The following PPP2R5C variants were observed in gnomAD, a reference collection of about 807,000 sequenced individuals.
PPP2R5C encodes the protein serine/threonine-protein phosphatase 2A 56 kDa regulatory subunit gamma isoform.
PPP2R5C carries 7 observed loss-of-function variants against 68.9 expected under a neutral mutation model. That is an observed-to-expected ratio of 0.10 (90% CI 0.06 to 0.19). The LOEUF (loss-of-function observed/expected upper bound fraction) is 0.19. Among genes scored for constraint, PPP2R5C ranks in the 10% least tolerant of loss-of-function variants. PPP2R5C has a pLI of 1.00. For missense variants in PPP2R5C, 348 were observed against 641.3 expected (o/e 0.54, Z 4.94); for synonymous variants, 210 against 222.2 (o/e 0.95, Z 0.49).
intron 1 of PPP2R5C, among the ~76,000 whole-genome samples, chr14:101,833,193 T>G (rs1182244735): frequency 6.6e-6 from 1 of 152,252 alleles, no homozygotes; most frequent in African/African-American, 2.4e-5. Context: ...CAAGCCGCCC[T>G]GGAGTGTGGT....
chr14:101,836,297 G>A lies in PPP2R5C; in HGVS notation c.95-20389G>A, dbSNP rs149493286. The A allele has an allele frequency of 3.3e-3, 2,322 of 702,808 alleles. 42 individuals carry two copies. The African/African-American group carries it at 0.036, about 11-fold the overall frequency. 43.5% of individuals were successfully genotyped at this position (702,808 alleles called of 1,614,324 possible). On this transcript the variant is annotated intron_variant, in intron 1 of 13. Transcript: ENST00000334743. ...AGAACCCCGCGGCCCCCAAAGCATG[G>A]ACGGAGCTGCCAGCCTTCTCCCCTG...
chr14:101,856,812 G>A (rs1281556986), exon 2 of PPP2R5C: 1 of 1,614,168 alleles, frequency 6.2e-7, no homozygotes, highest in Non-Finnish European at 8.5e-7. Flanking sequence ...GCTGCTTTAA[G>A]TGAAATGGTA....
intron 9 of PPP2R5C, among the ~76,000 whole-genome samples, chr14:101,905,057 G>A (rs902592512): frequency 6.6e-6 from 1 of 152,206 alleles, no homozygotes; most frequent in Non-Finnish European, 1.5e-5. Flanking sequence ...GAAAGTTTTA[G>A]TAATAAAAAT....
At chr14:101,764,467 C>T (rs1024191573) in intron 2 of PPP2R5C, among the ~76,000 whole-genome samples, 2 of 152,180 alleles carry the variant, frequency 1.3e-5, no homozygotes, top group African/African-American at 4.8e-5. Flanking sequence ...AGTTAACTGG[C>T]GATGATCTGC....
intron 2 of PPP2R5C, among the ~76,000 whole-genome samples, chr14:101,783,555 A>C (rs2037943358): frequency 6.6e-6 from 1 of 151,902 alleles, no homozygotes; most frequent in South Asian, 2.1e-4. Flanking sequence ...CATGGTGGCC[A>C]AAAGGCCAAG....
chr14:101,836,780 CG>C (rs1289717974), intron 1 of PPP2R5C: 1 of 170,370 alleles, frequency 5.9e-6, no homozygotes, highest in Non-Finnish European at 1.3e-5. Context: ...AGGTATATGT[CG>C]GGCAGATGCA....
intron 2 of PPP2R5C, among the ~76,000 whole-genome samples, chr14:101,868,198 T>G (rs1324544622): frequency 6.6e-6 from 1 of 152,248 alleles, no homozygotes; most frequent in African/African-American, 2.4e-5. Context: ...GCAGTCAAAT[T>G]TATTTCAAGT....
intron 1 of PPP2R5C, among the ~76,000 whole-genome samples, chr14:101,833,226 G>T (rs1242651875): frequency 6.6e-6 from 1 of 152,234 alleles, no homozygotes; most frequent in East Asian, 1.9e-4. Flanking sequence ...TGGGCGCCTA[G>T]GTCCGCCCCT....
At position 101,790,004 on chromosome 14, in the gene PPP2R5C, A is replaced by G. The variant is rs531411275; in HGVS notation, c.259+3821A>G. On this transcript the variant is annotated intron_variant, in intron 3 of 14. Coordinates refer to the PPP2R5C transcript ENST00000328724. ...ATCAGTGGCGGTTATGTCTCCTTAT[A>G]AGTTCATTTATTCTTTTGACTGTTC... The G allele has an allele frequency of 1.9e-4, 28 of 151,334 alleles. No individual in the cohort carries two copies. In the South Asian group the frequency reaches 5.2e-3, roughly 28 times the overall value. 9.4% of individuals were successfully genotyped at this position (151,334 alleles called of 1,614,324 possible). A position where few individuals can be genotyped will look rare whatever the true frequency, so the allele number is the denominator to read the frequency against.
intron 13 of PPP2R5C, among the ~76,000 whole-genome samples, chr14:101,920,400 A>G (rs2046943961): frequency 6.6e-6 from 1 of 152,242 alleles, no homozygotes; most frequent in Non-Finnish European, 1.5e-5. Flanking sequence ...CACAGGCAGG[A>G]CAGTTCTTGG....
chr14:101,847,371 T>C (rs758028886), intron 1 of PPP2R5C, among the ~76,000 whole-genome samples: 9 of 152,210 alleles, frequency 5.9e-5, no homozygotes, highest in Non-Finnish European at 1.3e-4. Context: ...GCCCCTGTGA[T>C]TGACAAGTGA....
intron 3 of PPP2R5C, among the ~76,000 whole-genome samples, chr14:101,789,178 C>T (rs2038251226): frequency 6.6e-6 from 1 of 152,206 alleles, no homozygotes. Flanking sequence ...ACTATTTATG[C>T]CAACATAGAC....
chr14:101,865,610 AC>A (rs1224371872), intron 2 of PPP2R5C, among the ~76,000 whole-genome samples: 1 of 152,210 alleles, frequency 6.6e-6, no homozygotes, highest in Non-Finnish European at 1.5e-5. Flanking sequence ...TAATCTGCTA[AC>A]TGTGCTACTT....
rs78249183 is a variant in PPP2R5C at position 101,890,322 on chromosome 14, C to T, written c.689+26C>T. On this transcript the variant is annotated intron_variant, in intron 6 of 13. Coordinates refer to ENST00000334743, the Ensembl canonical transcript of PPP2R5C. ...GTAAGCCTCTGTTATGGGTAGCAAA[C>T]GGCTGTAGATGGAATTTATACCAGA... The T allele has an allele frequency of 4.8e-4, 775 of 1,601,780 alleles. 3 individuals are homozygous for T. The African/African-American group carries it at 7.7e-3, about 16-fold the overall frequency.
chr14:101,853,427 G>C (rs2042264385), intron 1 of PPP2R5C, among the ~76,000 whole-genome samples: 2 of 152,288 alleles, frequency 1.3e-5, no homozygotes, highest in African/African-American at 2.4e-5. Flanking sequence ...TTGCCTTTTA[G>C]AACAGTTTGG....
chr14:101,914,097 AC>A (rs1411172321), intron 12 of PPP2R5C: 1 of 448,248 alleles, frequency 2.2e-6, no homozygotes, highest in East Asian at 7.0e-5. Flanking sequence ...CTTTTTCTCA[AC>A]TTTTCCTGAA....
At chr14:101,807,356 C>T (rs1158758462), upstream of PPP2R5C, among the ~76,000 whole-genome samples, 1 of 151,938 alleles carries the variant, frequency 6.6e-6, no homozygotes, top group East Asian at 1.9e-4. Flanking sequence ...CCTTTTTTGC[C>T]CCATCACACT....
intron 2 of PPP2R5C, among the ~76,000 whole-genome samples, chr14:101,873,664 T>G (rs2043568599): frequency 6.6e-6 from 1 of 152,206 alleles, no homozygotes; most frequent in Admixed American, 6.5e-5. Context: ...TGATCTGTAC[T>G]CTGCTGAATA....
At position 101,920,043 on chromosome 14, in the gene PPP2R5C, T is replaced by C. The variant is rs954938762; in HGVS notation, c.1443+2096T>C. Among the ~76,000 whole-genome samples, 3 of 151,384 alleles carry C rather than the reference T, an allele frequency of 2.0e-5. No individual in the cohort carries two copies. The East Asian group carries it at 5.8e-4, about 29-fold the overall frequency. On this transcript the variant is annotated intron_variant, in intron 13 of 13. Transcript: ENST00000334743. ...AGGGTTGGGGAATTTTTATTTTTGG[T>C]ATAGCCTTTGACTTAGGTCAGAATT...
Sources: gnomAD v4.1 joint callset for allele counts (sites outside exome capture counted in the v4.1 genomes callset) on GRCh38, gnomAD v4.1.1 for gene constraint, MANE v1.5 for transcripts, NCBI Gene and HGNC (gene_info 2026-07-23, HGNC 2026-07-21) for gene names.